Variants in ATE1 observed in about 807,000 individuals in gnomAD.
ATE1 encodes the protein arginyl-tRNA--protein transferase 1.
Under a neutral mutation model 70.5 loss-of-function variants are expected in ATE1, and 36 were observed. The ratio of observed to expected loss-of-function variants is 0.51; its 90% CI spans 0.39 to 0.67. The LOEUF (loss-of-function observed/expected upper bound fraction) is 0.67, where lower values mean the gene tolerates loss of function less well. ATE1 is among the 30% of genes least tolerant of loss of function. The pLI is 0.00. For synonymous variants in ATE1, 232 were observed against 219.3 expected, an observed-to-expected ratio of 1.06 and a Z score of -0.51; for missense variants, 593 against 629.5, an observed-to-expected ratio of 0.94 and a Z score of 0.62.
At chr10:121,825,895 T>C (rs947565788) in intron 10 of ATE1, among the ~76,000 whole-genome samples, 2 of 152,226 alleles carry the variant, frequency 1.3e-5, no homozygotes, top group African/African-American at 4.8e-5. Context: ...AGCAGCATTA[T>C]TCATTAACAG....
intron 8 of ATE1, among the ~76,000 whole-genome samples, chr10:121,860,901 C>T (rs1375273082): frequency 1.3e-5 from 2 of 152,176 alleles, no homozygotes; most frequent in Non-Finnish European, 2.9e-5. Context: ...CCTTACTTAA[C>T]GTCGTCAGTT....
intron 8 of ATE1, among the ~76,000 whole-genome samples, chr10:121,860,459 G>T (rs1949428495): frequency 6.6e-6 from 1 of 152,128 alleles, no homozygotes; most frequent in African/African-American, 2.4e-5. Flanking sequence ...ACAAAGAAAT[G>T]TATTTGTCAA....
At chr10:121,776,039 T>C (rs1403170989) in intron 11 of ATE1, among the ~76,000 whole-genome samples, 2 of 152,244 alleles carry the variant, frequency 1.3e-5, no homozygotes, top group Non-Finnish European at 2.9e-5. Context: ...TAGTTGCAGA[T>C]GCATCACAAT....
chr10:121,784,214 C>T (rs957098299), intron 11 of ATE1, among the ~76,000 whole-genome samples: 3 of 152,200 alleles, frequency 2.0e-5, no homozygotes, highest in African/African-American at 7.2e-5. Flanking sequence ...TCATGCATGG[C>T]TTATTGAGCA....
intron 10 of ATE1, among the ~76,000 whole-genome samples, chr10:121,809,460 G>A (rs938336406): frequency 2.6e-5 from 4 of 152,016 alleles, no homozygotes; most frequent in African/African-American, 9.7e-5. Context: ...ACTGAATATG[G>A]GGGAAAAAAC....
intron 8 of ATE1, among the ~76,000 whole-genome samples, chr10:121,847,534 C>A (rs913273742): frequency 1.3e-5 from 2 of 151,298 alleles, no homozygotes; most frequent in Non-Finnish European, 2.9e-5. Flanking sequence ...CCAAGGTGGG[C>A]AGATCACGAG....
chr10:121,898,951 A>C (rs1590667079), intron 7 of ATE1: 2 of 1,613,786 alleles, frequency 1.2e-6, no homozygotes, highest in African/African-American at 2.7e-5. Context: ...TCCTCAAAGG[A>C]GACAGGTACT....
chr10:121,875,015 C>CGGTGGCGGGCGCCT (rs369007088), intron 7 of ATE1, among the ~76,000 whole-genome samples: 85,893 of 146,056 alleles, frequency 0.59, 25,620 homozygotes, highest in African/African-American at 0.65. Context: ...TAGCCGGGCA[C>CGGTGGCGGGCGCCT]GTAGTCCCAG....
At chr10:121,753,448 C>G (rs1004195784) in intron 11 of ATE1, among the ~76,000 whole-genome samples, 5 of 152,074 alleles carry the variant, frequency 3.3e-5, no homozygotes, top group Non-Finnish European at 5.9e-5. Context: ...TATAATTTAT[C>G]AAGATGATTC....
At chr10:121,896,635 C>G (rs544821141) in intron 7 of ATE1, among the ~76,000 whole-genome samples, 64 of 151,676 alleles carry the variant, frequency 4.2e-4, no homozygotes, top group Non-Finnish European at 8.5e-4. Context: ...ATGGTGAAAC[C>G]CTGTCTCTAC....
intron 11 of ATE1, among the ~76,000 whole-genome samples, chr10:121,768,027 A>G (rs1391279006): frequency 6.6e-6 from 1 of 152,250 alleles, no homozygotes; most frequent in Non-Finnish European, 1.5e-5. Flanking sequence ...TAAAAGAGGT[A>G]AAATTCTAAC....
At chr10:121,919,651 C>T (rs922885081) in intron 3 of ATE1, among the ~76,000 whole-genome samples, 1 of 152,022 alleles carries the variant, frequency 6.6e-6, no homozygotes, top group African/African-American at 2.4e-5. Context: ...CATGGTGGCT[C>T]ACGCCTGAAA....
intron 10 of ATE1, among the ~76,000 whole-genome samples, chr10:121,817,408 G>A (rs372774769): frequency 1.2e-4 from 19 of 152,182 alleles, no homozygotes; most frequent in African/African-American, 4.1e-4. Context: ...GCGCAGTGGC[G>A]GGCGCCTGTA....
chr10:121,907,802 G>C (rs1007241040), intron 5 of ATE1, among the ~76,000 whole-genome samples: 2 of 151,846 alleles, frequency 1.3e-5, no homozygotes, highest in Non-Finnish European at 2.9e-5. Context: ...CTGTAGTCCT[G>C]AATTTGAATT....
intron 5 of ATE1, among the ~76,000 whole-genome samples, chr10:121,905,757 A>G (rs970685043): frequency 9.2e-5 from 14 of 152,166 alleles, no homozygotes; most frequent in Non-Finnish European, 2.1e-4. Flanking sequence ...AGGCAGGAGA[A>G]TCGCTCAAAC....
At chr10:121,881,387 G>A (rs561366311) in intron 7 of ATE1, among the ~76,000 whole-genome samples, 40 of 152,156 alleles carry the variant, frequency 2.6e-4, no homozygotes, top group Middle Eastern at 6.8e-3. Flanking sequence ...TTATCAAAAC[G>A]AGAGATCTGC....
intron 4 of ATE1, among the ~76,000 whole-genome samples, chr10:121,911,576 T>A (rs919437669): frequency 6.6e-6 from 1 of 152,132 alleles, no homozygotes; most frequent in African/African-American, 2.4e-5. Context: ...CCTCACTAGT[T>A]TTAAAGGAAA....
At chr10:121,850,056 A>G (rs949206897) in intron 8 of ATE1, among the ~76,000 whole-genome samples, 1 of 152,320 alleles carries the variant, frequency 6.6e-6, no homozygotes, top group African/African-American at 2.4e-5. Context: ...TTTATCTATA[A>G]GAGTGGTCAC....
At chr10:121,830,811 T>TA (rs1392516023) in intron 10 of ATE1, among the ~76,000 whole-genome samples, 1 of 152,190 alleles carries the variant, frequency 6.6e-6, no homozygotes, top group Non-Finnish European at 1.5e-5. Context: ...CACAAATACT[T>TA]ACAAAATCAC....
Sources: gnomAD v4.1 joint callset for allele counts (sites outside exome capture counted in the v4.1 genomes callset) on GRCh38, gnomAD v4.1.1 for gene constraint, MANE v1.5 for transcripts, NCBI Gene and HGNC (gene_info 2026-07-23, HGNC 2026-07-21) for gene names.